The following PCGF3 variants were observed in gnomAD, a reference collection of about 807,000 sequenced individuals.
PCGF3 encodes the protein polycomb group RING finger protein 3.
Under a neutral mutation model 33.1 loss-of-function variants are expected in PCGF3, and 7 were observed. The observed-to-expected ratio is 0.21, with a 90% CI of 0.12 to 0.40. The LOEUF is 0.40. Ranked by LOEUF, PCGF3 falls within the 10% of genes least tolerant of loss-of-function variation. The pLI is 1.00. For missense variants in PCGF3, 211 were observed against 313.3 expected (o/e 0.67, Z 2.46); for synonymous variants, 153 against 121.3 (o/e 1.26, Z -1.72).
At chr4:734,234 T>TAGA (rs2109614968) in intron 4 of PCGF3, 2 of 1,500,692 alleles carry the variant, frequency 1.3e-6, no homozygotes, top group Non-Finnish European at 1.8e-6. Context: ...ACCTGAGTGT[T>TAGA]TTTCTAAGTG....
At chr4:730,126 G>A (rs1263031176) in intron 1 of PCGF3, among the ~76,000 whole-genome samples, 1 of 152,090 alleles carries the variant, frequency 6.6e-6, no homozygotes, top group East Asian at 1.9e-4. Flanking sequence ...CCCACGCCGG[G>A]GCCCTTGGTG....
At position 710,402 on chromosome 4, in the gene PCGF3, G is replaced by A. The variant is rs1428286652; in HGVS notation, c.-190+4432G>A. Among the ~76,000 whole-genome samples the A allele has an allele frequency of 2.6e-5, 4 of 152,166 alleles. No homozygotes were observed. In the East Asian group the frequency reaches 5.8e-4, roughly 22 times the overall value. ...CTACCACTTTTGCCAAGAGTCATTC[G>A]GCCCCTACACACTTGAGGGGAGGGG... On this transcript the variant is annotated intron_variant, in intron 1 of 10. Coordinates refer to ENST00000362003, the Ensembl canonical transcript of PCGF3.
intron 4 of PCGF3, 68 bp downstream of exon 4, chr4:733,857 G>A (rs1484365400): frequency 1.2e-6 from 2 of 1,612,092 alleles, no homozygotes; most frequent in African/African-American, 2.7e-5. Context: ...TCAGAACCTT[G>A]GCTTTTGTGT....
chr4:729,099 C>CAA (rs34927260), intron 1 of PCGF3, among the ~76,000 whole-genome samples: 30 of 40,258 alleles, frequency 7.5e-4, no homozygotes, highest in African/African-American at 8.5e-4. Flanking sequence ...GACTCCATCT[C>CAA]AAAAAAAAAA....
intron 9 of PCGF3, chr4:762,148 A>ATTTGCAGGCTCTGGGG: frequency 1.1e-6 from 1 of 915,780 alleles, no homozygotes; most frequent in Non-Finnish European, 1.3e-6. Flanking sequence ...CCTAACCCCC[A>ATTTGCAGGCTCTGGGG]GAGCCTGCAA....
chr4:764,217 G>C (rs1243601114), intron 9 of PCGF3, among the ~76,000 whole-genome samples: 1 of 152,170 alleles, frequency 6.6e-6, no homozygotes, highest in Non-Finnish European at 1.5e-5. Flanking sequence ...GGTGGCAGGG[G>C]GGTTCCAAGG....
At chr4:762,138 C>T (rs1745095193) in intron 9 of PCGF3, 2 of 954,750 alleles carry the variant, frequency 2.1e-6, no homozygotes, top group Admixed American at 6.2e-5. Flanking sequence ...TAAGCCACAT[C>T]CTAACCCCCA....
chr4:748,561 C>T (rs778825248), intron 8 of PCGF3, among the ~76,000 whole-genome samples: 6 of 152,190 alleles, frequency 3.9e-5, no homozygotes, highest in Admixed American at 1.3e-4. Context: ...CAGAAATAGA[C>T]ACGTGTGTCC....
At position 761,426 on chromosome 4, in the gene PCGF3, G is replaced by C. The variant is rs775662184; in HGVS notation, c.600+10G>C. The stretch of plus-strand genomic sequence containing the variant: ...TTCATCCTTTAACGAGGTAACAGTT[G>C]ATCCCTAAGTAGAAACCATAACAAG... On this transcript the variant is annotated intron_variant, in intron 9 of 10. Transcript: ENST00000362003. The C allele has an allele frequency of 1.3e-6, 2 of 1,593,670 alleles. No individual in the cohort carries two copies. The highest frequency in any genetic ancestry group is 3.5e-5 in the Admixed American group (2 of 57,288).
At chr4:749,667 A>G (rs1744429244) in intron 8 of PCGF3, among the ~76,000 whole-genome samples, 1 of 151,360 alleles carries the variant, frequency 6.6e-6, no homozygotes, top group African/African-American at 2.4e-5. Context: ...TTATATTTTT[A>G]GTAGAAATGG....
chr4:741,482 C>T (rs1037362385), intron 6 of PCGF3, among the ~76,000 whole-genome samples: 9 of 152,232 alleles, frequency 5.9e-5, no homozygotes, highest in African/African-American at 2.2e-4. Context: ...TCTCAGCTCA[C>T]TGCAACCTCC....
chr4:760,340 T>A (rs1018679840), intron 8 of PCGF3, among the ~76,000 whole-genome samples: 11 of 150,878 alleles, frequency 7.3e-5, no homozygotes, highest in African/African-American at 2.5e-4. Context: ...TTGGTGTGTT[T>A]ATCTCTACTC....
At chr4:730,703 C>T (rs990186657) in intron 2 of PCGF3, 35 bp downstream of exon 2, 3 of 258,162 alleles carry the variant, frequency 1.2e-5, no homozygotes, top group Non-Finnish European at 2.2e-5. Context: ...CTCTTCTTTC[C>T]GCACCTGTGA....
In PCGF3 at chr4:743,068, G is replaced by A. The variant is rs946043640; in HGVS notation, c.263-406G>A. On this transcript the variant is annotated intron_variant, in intron 6 of 10. Coordinates refer to ENST00000362003, the Ensembl canonical transcript of PCGF3. ...GGTGTCCAGGCAGTCCACTGGCTCA[G>A]CCGTGAGGTCAGCAATGATGTCTGG... 2.6e-5 allele frequency among the ~76,000 whole-genome samples: 4 copies of A among 152,364 alleles called. No homozygotes were observed. The East Asian group carries it at 7.7e-4, about 29-fold the overall frequency.
rs1313867354 is a variant in PCGF3, at chr4:722,426, G to A, written c.-189-8204G>A. 5 of 252,686 alleles carry A rather than the reference G, an allele frequency of 2.0e-5. 1 individual carries two copies. Among genetic ancestry groups the A allele is most frequent in the South Asian group, 1.4e-4 (4 of 28,320 alleles). The allele number at this position is 252,686 out of a possible 1,614,324, so 15.7% of individuals were successfully genotyped here. ...CGTGGCTGGCGTGCGGAGTGTTTTG[G>A]GGGTGTCTGAGCTGGGTGGAGAGGA... On this transcript the variant is annotated intron_variant, in intron 1 of 10. Transcript: ENST00000362003.
chr4:748,682 C>G (rs1329457166), intron 8 of PCGF3, among the ~76,000 whole-genome samples: 1 of 152,110 alleles, frequency 6.6e-6, no homozygotes, highest in East Asian at 1.9e-4. Context: ...CTTTCATGAC[C>G]CCGGTTTCAC....
At chr4:712,520 T>C (rs1742617257) in intron 1 of PCGF3, among the ~76,000 whole-genome samples, 1 of 152,252 alleles carries the variant, frequency 6.6e-6, no homozygotes, top group Admixed American at 6.5e-5. Flanking sequence ...CGATCTCGGC[T>C]CACTGCAACC....
chr4:732,560 A>G (rs1365764135), intron 3 of PCGF3: 1 of 152,286 alleles, frequency 6.6e-6, no homozygotes, highest in East Asian at 1.9e-4. Flanking sequence ...ACCCACAAAC[A>G]TGTGGCCCCT....
chr4:730,139 C>T (rs566986102), intron 1 of PCGF3, among the ~76,000 whole-genome samples: 7 of 152,272 alleles, frequency 4.6e-5, no homozygotes, highest in African/African-American at 9.6e-5. Context: ...CCTTGGTGCA[C>T]GTCTGGTAGG....
Sources: gnomAD v4.1 joint callset for allele counts (sites outside exome capture counted in the v4.1 genomes callset) on GRCh38, gnomAD v4.1.1 for gene constraint, MANE v1.5 for transcripts, NCBI Gene and HGNC (gene_info 2026-07-23, HGNC 2026-07-21) for gene names.